Variants in HAT1 observed in about 807,000 individuals in gnomAD.
HAT1 encodes the protein histone acetyltransferase type B catalytic subunit.
A neutral mutation model predicts 56.6 loss-of-function variants in HAT1; 20 were observed. That is an observed-to-expected ratio of 0.35 (90% CI 0.25 to 0.51). HAT1 has a LOEUF of 0.51. Ranked by LOEUF, HAT1 falls within the 20% of genes least tolerant of loss-of-function variation. The probability of loss-of-function intolerance (pLI) is 0.95; values close to 1 mark genes in which losing one functional copy is unlikely to be tolerated. For missense variants in HAT1, 408 were observed against 504.3 expected (o/e 0.81, Z 1.83); for synonymous variants, 146 against 165.5 (o/e 0.88, Z 0.91).
At chr2:171,943,072 AGTTT>A (rs1687062148) in intron 2 of HAT1, among the ~76,000 whole-genome samples, 1 of 148,738 alleles carries the variant, frequency 6.7e-6, no homozygotes, top group Admixed American at 6.7e-5. Flanking sequence ...GACATATTTG[AGTTT>A]TTTTTTTTTT....
At chr2:171,940,303 T>TA (rs1686987076) in intron 2 of HAT1, among the ~76,000 whole-genome samples, 1 of 152,218 alleles carries the variant, frequency 6.6e-6, no homozygotes, top group Non-Finnish European at 1.5e-5. Flanking sequence ...CGTTGTTGCC[T>TA]TGTTGTCAAC....
intron 3 of HAT1, among the ~76,000 whole-genome samples, chr2:171,949,326 C>T (rs573627071): frequency 6.6e-6 from 1 of 152,222 alleles, no homozygotes; most frequent in Non-Finnish European, 1.5e-5. Flanking sequence ...GATCTTCCCA[C>T]CTCAGCCTCC....
At chr2:171,958,208 G>A (rs546669014) in intron 4 of HAT1, among the ~76,000 whole-genome samples, 1 of 152,094 alleles carries the variant, frequency 6.6e-6, no homozygotes, top group South Asian at 2.1e-4. Flanking sequence ...ACTAGGAGAT[G>A]ATTATTTAGT....
At chr2:171,977,557 A>AATTT (rs1553486567) in intron 9 of HAT1, among the ~76,000 whole-genome samples, 2 of 16,356 alleles carry the variant, frequency 1.2e-4, no homozygotes, top group African/African-American at 4.3e-4. Context: ...ATATATATAT[A>AATTT]TTTTTTTTTT....
chr2:171,922,525 G>A lies in HAT1; in HGVS notation c.7+18G>A. 1 of 1,317,726 alleles carries A rather than the reference G, an allele frequency of 7.6e-7. No individual in the cohort carries two copies. Among genetic ancestry groups the A allele is most frequent in the Middle Eastern group, 2.0e-4 (1 of 4,928 alleles). The allele number at this position is 1,317,726 out of a possible 1,614,324, so 81.6% of individuals were successfully genotyped here. A position where few individuals can be genotyped will look rare whatever the true frequency, so the allele number is the denominator to read the frequency against. On this transcript the variant is annotated intron_variant, in intron 1 of 10. Coordinates refer to ENST00000264108, the MANE Select transcript of HAT1 (RefSeq NM_003642.4). ...AATGGCGGGTAAGTTACCGGGAAAA[G>A]TTTACCAAGGGGAGGAGGCGGCCAG...
intron 3 of HAT1, among the ~76,000 whole-genome samples, chr2:171,948,553 T>C (rs1365127281): frequency 1.3e-5 from 2 of 152,210 alleles, no homozygotes; most frequent in African/African-American, 4.8e-5. Context: ...GATATACAGC[T>C]CATGTTTCAG....
At chr2:171,937,353 C>T (rs1018157831) in intron 2 of HAT1, among the ~76,000 whole-genome samples, 1 of 152,122 alleles carries the variant, frequency 6.6e-6, no homozygotes, top group African/African-American at 2.4e-5. Context: ...AACTTATTGC[C>T]ATACATGGTG....
chr2:171,972,465 ATGTTGCCCAGGC>A (rs2105341224), intron 8 of HAT1, among the ~76,000 whole-genome samples: 1 of 152,176 alleles, frequency 6.6e-6, no homozygotes, highest in South Asian at 2.1e-4. Context: ...GGGTCTCACT[ATGTTGCCCAGGC>A]TGGTCTTGAA....
chr2:171,953,976 CAG>C (rs1157535993), intron 4 of HAT1, among the ~76,000 whole-genome samples: 6 of 152,074 alleles, frequency 3.9e-5, no homozygotes, highest in African/African-American at 7.2e-5. Context: ...GCCTGGGTGA[CAG>C]AGTGAAACTG....
chr2:171,974,681 C>T (rs1687916408), intron 8 of HAT1, among the ~76,000 whole-genome samples: 1 of 152,264 alleles, frequency 6.6e-6, no homozygotes, highest in East Asian at 1.9e-4. Context: ...GGTCTTTCAC[C>T]ATTGTGGATG....
At chr2:171,982,454 A>C (rs952584561) in intron 10 of HAT1, among the ~76,000 whole-genome samples, 18 of 152,164 alleles carry the variant, frequency 1.2e-4, no homozygotes, top group African/African-American at 4.1e-4. Context: ...TGCTGACTTG[A>C]TCTAGGCTTT....
chr2:171,945,404 G>A (rs1297077552), intron 2 of HAT1, among the ~76,000 whole-genome samples: 2 of 151,830 alleles, frequency 1.3e-5, no homozygotes, highest in Non-Finnish European at 2.9e-5. Flanking sequence ...GAGCAAAGGA[G>A]TCTACAAGCT....
chr2:171,950,613 C>T (rs1448901334), intron 3 of HAT1, among the ~76,000 whole-genome samples: 1 of 152,074 alleles, frequency 6.6e-6, no homozygotes, highest in African/African-American at 2.4e-5. Context: ...AAGCGATTCT[C>T]CTGCCTCAGC....
chr2:171,946,609 G>A, intron 2 of HAT1, 99 bp from the exon 3 acceptor site: 3 of 711,472 alleles, frequency 4.2e-6, no homozygotes. Flanking sequence ...AATGTTGGCT[G>A]TATCCTAGTT....
chr2:171,977,555 A>ATTTTTTTTTTTTTT (rs1234192328), intron 9 of HAT1, among the ~76,000 whole-genome samples: 1 of 11,218 alleles, frequency 8.9e-5, no homozygotes. Flanking sequence ...ATATATATAT[A>ATTTTTTTTTTTTTT]TATTTTTTTT....
At chr2:171,927,305 G>A (rs1279368963) in intron 2 of HAT1, among the ~76,000 whole-genome samples, 1 of 152,208 alleles carries the variant, frequency 6.6e-6, no homozygotes, top group East Asian at 1.9e-4. Flanking sequence ...TTTCCTCATT[G>A]TTAATAGTAC....
intron 6 of HAT1, 167 bp from the exon 7 acceptor site, chr2:171,966,242 C>A: frequency 1.6e-6 from 1 of 640,478 alleles, no homozygotes; most frequent in South Asian, 1.8e-5. Flanking sequence ...AGTTGCTGCA[C>A]ACCAATTAAG....
intron 8 of HAT1, among the ~76,000 whole-genome samples, chr2:171,972,713 G>A (rs1687849445): frequency 6.6e-6 from 1 of 152,204 alleles, no homozygotes; most frequent in Admixed American, 6.5e-5. Context: ...CCCAGTTCCT[G>A]GTATCTGCTC....
intron 1 of HAT1, chr2:171,924,038 G>C (rs1157339037): frequency 1.3e-5 from 2 of 152,140 alleles, no homozygotes; most frequent in East Asian, 3.9e-4. Context: ...CTCAGTAAGT[G>C]TGTGAAATAG....
Sources: gnomAD v4.1 joint callset for allele counts (sites outside exome capture counted in the v4.1 genomes callset) on GRCh38, gnomAD v4.1.1 for gene constraint, MANE v1.5 for transcripts, NCBI Gene and HGNC (gene_info 2026-07-23, HGNC 2026-07-21) for gene names.